Variants in ASTN2 observed in about 807,000 individuals in gnomAD.
The protein encoded by ASTN2 is astrotactin-2.
A neutral mutation model predicts 139.8 loss-of-function variants in ASTN2; 54 were observed. The ratio of observed to expected loss-of-function variants is 0.39; its 90% CI spans 0.31 to 0.48. The LOEUF is 0.48. ASTN2 is among the 20% of genes least tolerant of loss of function. ASTN2 has a pLI of 0.95. For synonymous variants in ASTN2, 756 were observed against 719.5 expected (o/e 1.05, Z -0.81); for missense variants, 1,565 against 1,725.1 (o/e 0.91, Z 1.64).
chr9:116,680,396 A>G (rs1186822231), intron 16 of ASTN2, among the ~76,000 whole-genome samples: 1 of 152,200 alleles, frequency 6.6e-6, no homozygotes, highest in Non-Finnish European at 1.5e-5. Flanking sequence ...CTTACCAACC[A>G]AAAAGAGTCC....
At chr9:116,797,314 C>T (rs1030459441) in intron 13 of ASTN2, among the ~76,000 whole-genome samples, 5 of 152,080 alleles carry the variant, frequency 3.3e-5, no homozygotes, top group South Asian at 2.1e-4. Flanking sequence ...TTTCTGATTC[C>T]AGCCCCTATG....
chr9:116,454,728 T>G (rs1231873264), intron 20 of ASTN2, among the ~76,000 whole-genome samples: 1 of 152,250 alleles, frequency 6.6e-6, no homozygotes, highest in Non-Finnish European at 1.5e-5. Context: ...GATGAGTTCA[T>G]GTCCTTTGTA....
chr9:116,575,036 T>G (rs1475707602), intron 19 of ASTN2, among the ~76,000 whole-genome samples: 1 of 152,184 alleles, frequency 6.6e-6, no homozygotes, highest in African/African-American at 2.4e-5. Context: ...GCTACAACCT[T>G]CAGACTTTTG....
intron 12 of ASTN2, among the ~76,000 whole-genome samples, chr9:116,807,787 T>A (rs1314366546): frequency 6.6e-6 from 1 of 152,108 alleles, no homozygotes; most frequent in Non-Finnish European, 1.5e-5. Flanking sequence ...TGACTGTGAA[T>A]AAATATATTA....
intron 10 of ASTN2, among the ~76,000 whole-genome samples, chr9:116,916,611 C>T (rs1361865682): frequency 1.3e-5 from 2 of 152,078 alleles, no homozygotes; most frequent in African/African-American, 4.8e-5. Flanking sequence ...CTTTGGGAGG[C>T]CAAGGTGGGC....
chr9:117,158,002 G>T (rs1830467484), intron 3 of ASTN2, among the ~76,000 whole-genome samples: 1 of 151,986 alleles, frequency 6.6e-6, no homozygotes, highest in Non-Finnish European at 1.5e-5. Context: ...GGCATGTATT[G>T]GCATTTAGCA....
At chr9:117,054,173 A>G (rs1235244660) in intron 5 of ASTN2, among the ~76,000 whole-genome samples, 1 of 152,206 alleles carries the variant, frequency 6.6e-6, no homozygotes, top group Non-Finnish European at 1.5e-5. Flanking sequence ...TGTCACTTCC[A>G]AAAGAACAAT....
intron 2 of ASTN2, 77 bp downstream of exon 2, chr9:117,291,249 C>A: frequency 2.0e-6 from 3 of 1,531,764 alleles, no homozygotes; most frequent in African/African-American, 1.4e-5. Context: ...TGTGGACAAT[C>A]CCCCGCCCCC....
chr9:116,859,803 C>T (rs745709051), intron 11 of ASTN2, among the ~76,000 whole-genome samples: 4 of 152,216 alleles, frequency 2.6e-5, no homozygotes, highest in Admixed American at 6.5e-5. Flanking sequence ...TGACAGCAAG[C>T]ATGGTGAGTG....
intron 16 of ASTN2, among the ~76,000 whole-genome samples, chr9:116,689,947 G>A (rs35891915): frequency 0.16 from 24,945 of 152,116 alleles, 2,474 homozygotes; most frequent in Non-Finnish European, 0.23. Context: ...CTACTGTTCT[G>A]TATGGTCTCT....
At chr9:116,662,652 C>G (rs1858632276) in intron 16 of ASTN2, among the ~76,000 whole-genome samples, 1 of 152,160 alleles carries the variant, frequency 6.6e-6, no homozygotes, top group South Asian at 2.1e-4. Context: ...GTTATTATTA[C>G]TATTATTAGT....
chr9:116,609,557 A>G (rs56218584), intron 19 of ASTN2, among the ~76,000 whole-genome samples: 3,730 of 151,716 alleles, frequency 0.025, 148 homozygotes, highest in African/African-American at 0.086. Context: ...AAAATCAGAA[A>G]GCATGCATCA....
chr9:116,995,940 A>G (rs149896815), intron 7 of ASTN2, among the ~76,000 whole-genome samples: 147 of 152,288 alleles, frequency 9.7e-4, no homozygotes, highest in Middle Eastern at 3.4e-3. Flanking sequence ...TCCTAGGCTC[A>G]AGCACTCTGC....
chr9:116,879,227 T>C (rs1290522170), intron 10 of ASTN2, among the ~76,000 whole-genome samples: 2 of 152,134 alleles, frequency 1.3e-5, no homozygotes, highest in African/African-American at 4.8e-5. Context: ...CTCTAAGGGC[T>C]CTTCCAGCTC....
intron 11 of ASTN2, among the ~76,000 whole-genome samples, chr9:116,845,704 CA>C (rs1158739887): frequency 6.6e-6 from 1 of 152,086 alleles, no homozygotes; most frequent in Non-Finnish European, 1.5e-5. Context: ...TGGCTGTTAC[CA>C]AAAATTCAGA....
chr9:116,635,382 C>T (rs1857024449), intron 17 of ASTN2, among the ~76,000 whole-genome samples: 1 of 152,150 alleles, frequency 6.6e-6, no homozygotes, highest in African/African-American at 2.4e-5. Flanking sequence ...TATGACATCT[C>T]ACTAAAACCT....
intron 1 of ASTN2, among the ~76,000 whole-genome samples, chr9:117,302,953 T>A (rs1245822025): frequency 6.6e-6 from 1 of 152,166 alleles, no homozygotes; most frequent in Non-Finnish European, 1.5e-5. Context: ...CTCTTAGCCT[T>A]TGTTCAGACC....
At chr9:116,800,519 T>C (rs1830819636) in intron 13 of ASTN2, among the ~76,000 whole-genome samples, 1 of 152,166 alleles carries the variant, frequency 6.6e-6, no homozygotes, top group Non-Finnish European at 1.5e-5. Context: ...TAGCTCCCCA[T>C]GGAGTGGTCT....
chr9:116,501,382 T>G (rs1849848669), intron 19 of ASTN2, among the ~76,000 whole-genome samples: 1 of 152,176 alleles, frequency 6.6e-6, no homozygotes, highest in Non-Finnish European at 1.5e-5. Flanking sequence ...ACATTTGGGT[T>G]GGTTCCAAGT....
Sources: allele counts gnomAD v4.1 joint callset (sites outside exome capture counted in the v4.1 genomes callset), GRCh38; gene constraint gnomAD v4.1.1; transcripts MANE v1.5; gene names NCBI Gene and HGNC (gene_info 2026-07-23, HGNC 2026-07-21).